CTNNA3: variants seen among roughly 807,000 people sequenced by gnomAD.
CTNNA3 encodes catenin alpha 3.
In CTNNA3, 76 loss-of-function variants were observed where a neutral mutation model predicts 95.7. That is an observed-to-expected ratio of 0.79 (90% CI 0.66 to 0.96). The LOEUF (loss-of-function observed/expected upper bound fraction) is 0.96. Ranked by LOEUF, CTNNA3 falls within the 40% of genes least tolerant of loss-of-function variation. CTNNA3 has a pLI of 0.00. For synonymous variants in CTNNA3, 431 were observed against 374.4 expected (o/e 1.15, Z -1.74); for missense variants, 1,191 against 1,089.8 (o/e 1.09, Z -1.31).
chr10:67,579,996 C>T (rs544537351), intron 3 of CTNNA3, among the ~76,000 whole-genome samples: 1 of 152,234 alleles, frequency 6.6e-6, no homozygotes, highest in East Asian at 1.9e-4. Context: ...TTCTCCCATT[C>T]TGTAGGTTGC....
intron 2 of CTNNA3, among the ~76,000 whole-genome samples, chr10:67,617,300 T>TGTCCATGTG (rs780031013): frequency 3.9e-5 from 6 of 152,174 alleles, no homozygotes; most frequent in Non-Finnish European, 7.4e-5. Context: ...CCCCTCTATG[T>TGTCCATGTG]GTCCATGTGT....
chr10:66,594,404 T>G (rs1843645385), intron 10 of CTNNA3, among the ~76,000 whole-genome samples: 1 of 152,158 alleles, frequency 6.6e-6, no homozygotes, highest in African/African-American at 2.4e-5. Flanking sequence ...ATCATGGATC[T>G]GATTAAATTC....
chr10:67,188,890 G>C (rs1862989283), intron 6 of CTNNA3, among the ~76,000 whole-genome samples: 1 of 152,116 alleles, frequency 6.6e-6, no homozygotes. Context: ...TGGGTGGCTG[G>C]TGGCTGGTTT....
At chr10:66,119,718 GT>G (rs1041519358) in intron 13 of CTNNA3, among the ~76,000 whole-genome samples, 7 of 151,644 alleles carry the variant, frequency 4.6e-5, no homozygotes, top group African/African-American at 1.7e-4. Context: ...TCTCATTCTT[GT>G]TTTTCATTCG....
intron 12 of CTNNA3, among the ~76,000 whole-genome samples, chr10:66,350,166 T>A (rs1374520363): frequency 6.6e-6 from 1 of 152,112 alleles, no homozygotes; most frequent in Non-Finnish European, 1.5e-5. Flanking sequence ...AACTGCAATA[T>A]CCTCTTTCGT....
chr10:66,649,774 C>T lies in CTNNA3; in HGVS notation c.1282-27990G>A, dbSNP rs77971715. ...GGAACAGCCCCAGTATCAGGCAAGCCCTACCAGCCCTGGCCCTTGGTCAGA... is the reference window on the plus strand; with the variant it reads ...GGAACAGCCCCAGTATCAGGCAAGCTCTACCAGCCCTGGCCCTTGGTCAGA... On this transcript the variant is annotated intron_variant, in intron 9 of 17. Transcript: ENST00000433211. 6.3e-3 allele frequency among the ~76,000 whole-genome samples: 955 copies of T among 152,324 alleles called. 15 individuals are homozygous for T. Among genetic ancestry groups the T allele is most frequent in the African/African-American group, 0.021 (877 of 41,570 alleles).
intron 7 of CTNNA3, among the ~76,000 whole-genome samples, chr10:66,780,935 G>T (rs1019638027): frequency 3.9e-5 from 6 of 152,080 alleles, no homozygotes; most frequent in African/African-American, 1.2e-4. Flanking sequence ...CTAAAAGGAA[G>T]AATTGTAGAA....
intron 5 of CTNNA3, among the ~76,000 whole-genome samples, chr10:67,441,868 C>T (rs1228301417): frequency 6.6e-6 from 1 of 152,090 alleles, no homozygotes; most frequent in Non-Finnish European, 1.5e-5. Flanking sequence ...AGGTACAAAA[C>T]TCACTGTTAA....
At chr10:66,245,325 A>G (rs1283804807) in intron 13 of CTNNA3, among the ~76,000 whole-genome samples, 2 of 152,166 alleles carry the variant, frequency 1.3e-5, no homozygotes, top group African/African-American at 4.8e-5. Flanking sequence ...CCAAAGAGGG[A>G]GTCACAGCCC....
chr10:66,813,271 A>T (rs1462898628), intron 7 of CTNNA3, among the ~76,000 whole-genome samples: 1 of 152,188 alleles, frequency 6.6e-6, no homozygotes, highest in Non-Finnish European at 1.5e-5. Context: ...TTATCCTGTC[A>T]GCTGCGTCTT....
chr10:66,997,095 C>T (rs1851397396), intron 7 of CTNNA3, among the ~76,000 whole-genome samples: 1 of 152,088 alleles, frequency 6.6e-6, no homozygotes, highest in South Asian at 2.1e-4. Context: ...GATGTGATGG[C>T]AAGAATAAGA....
intron 13 of CTNNA3, among the ~76,000 whole-genome samples, chr10:66,273,373 G>C (rs1055501393): frequency 6.6e-6 from 1 of 152,148 alleles, no homozygotes; most frequent in Non-Finnish European, 1.5e-5. Flanking sequence ...CTACTCAGAA[G>C]AGTGCACGAT....
chr10:67,054,393 T>A (rs1420580101), intron 7 of CTNNA3, among the ~76,000 whole-genome samples: 5 of 152,162 alleles, frequency 3.3e-5, no homozygotes, highest in Non-Finnish European at 7.4e-5. Flanking sequence ...AAGTGACCAA[T>A]GAGGACAGCA....
chr10:67,699,992 G>A (rs1041920794), upstream of CTNNA3, among the ~76,000 whole-genome samples: 4 of 152,240 alleles, frequency 2.6e-5, no homozygotes, highest in African/African-American at 7.2e-5. Context: ...GCTTTGGAGG[G>A]TCCTATGCCC....
intron 10 of CTNNA3, among the ~76,000 whole-genome samples, chr10:66,529,307 T>G (rs80344751): frequency 0.029 from 4,429 of 152,196 alleles, 229 homozygotes; most frequent in African/African-American, 0.1. Context: ...TTTGTTTGTA[T>G]TTTTAGTAGA....
intron 11 of CTNNA3, among the ~76,000 whole-genome samples, chr10:66,405,832 T>A: frequency 6.6e-6 from 1 of 152,200 alleles, no homozygotes; most frequent in East Asian, 1.9e-4. Context: ...CCTGGTTTTG[T>A]AATTTGATCC....
Position 66,360,816 on chromosome 10 carries a change from C to CTTTCTTCCTTTCTTTCTTT in CTNNA3, c.1732+18335_1732+18336insAAAGAAAGAAAGGAAGAAA. ...TCCTTCCTTCCTTCCTTCCTTCCTT[C>CTTTCTTCCTTTCTTTCTTT]CTTTCTTTCTTTCTTTCTTTCTTTC... On this transcript the variant is annotated intron_variant, in intron 12 of 17. Coordinates refer to ENST00000433211, the MANE Select transcript of CTNNA3 (RefSeq NM_013266.4). 8.0e-5 allele frequency among the ~76,000 whole-genome samples: 4 copies of CTTTCTTCCTTTCTTTCTTT among 50,276 alleles called. 2 individuals carry two copies. The South Asian group carries it at 4.2e-3, about 53-fold the overall frequency. The allele number at this position is 50,276 out of a possible 152,430, so 33.0% of individuals were successfully genotyped here.
chr10:67,058,188 T>C (rs143841025), intron 7 of CTNNA3, among the ~76,000 whole-genome samples: 1 of 152,326 alleles, frequency 6.6e-6, no homozygotes, highest in African/African-American at 2.4e-5. Flanking sequence ...ATCACATTTC[T>C]AATCACAGCA....
At chr10:66,690,540 C>T (rs933652161) in intron 9 of CTNNA3, among the ~76,000 whole-genome samples, 13 of 150,306 alleles carry the variant, frequency 8.6e-5, no homozygotes, top group South Asian at 2.1e-4. Flanking sequence ...GTGTTCTCAT[C>T]GTTCAATTCC....
Sources: gnomAD v4.1 joint callset for allele counts (sites outside exome capture counted in the v4.1 genomes callset) on GRCh38, gnomAD v4.1.1 for gene constraint, MANE v1.5 for transcripts, NCBI Gene and HGNC (gene_info 2026-07-23, HGNC 2026-07-21) for gene names.